The following WDR72 variants were observed in gnomAD, a reference collection of about 807,000 sequenced individuals.
WDR72 encodes WD repeat domain 72, also known as WD repeat-containing protein 72.
Under a neutral mutation model 124.2 loss-of-function variants are expected in WDR72, and 120 were observed. The observed-to-expected ratio is 0.97, with a 90% CI of 0.83 to 1.12. The LOEUF (loss-of-function observed/expected upper bound fraction) is 1.12. Among genes scored for constraint, WDR72 ranks in the 50% most tolerant of loss-of-function variants. WDR72 has a pLI of 0.00. For synonymous variants in WDR72, 452 were observed against 441.7 expected, an observed-to-expected ratio of 1.02 and a Z score of -0.29; for missense variants, 1,387 against 1,278.8, an observed-to-expected ratio of 1.08 and a Z score of -1.29.
intron 1 of WDR72, among the ~76,000 whole-genome samples, chr15:53,741,420 T>C (rs1358124012): frequency 6.6e-6 from 1 of 152,186 alleles, no homozygotes; most frequent in Non-Finnish European, 1.5e-5. Context: ...GCAACATACC[T>C]GAAATTCAGA....
At chr15:53,629,848 G>C (rs60652242) in intron 14 of WDR72, among the ~76,000 whole-genome samples, 10,352 of 152,136 alleles carry the variant, frequency 0.068, 1,156 homozygotes, top group African/African-American at 0.24. Flanking sequence ...AGGCATATAT[G>C]TTTGGAGACC....
intron 13 of WDR72, among the ~76,000 whole-genome samples, chr15:53,693,134 T>C (rs1239760067): frequency 6.6e-6 from 1 of 152,182 alleles, no homozygotes; most frequent in African/African-American, 2.4e-5. Context: ...TACAAAGCGG[T>C]GACCTTGAGG....
chr15:53,540,711 T>C (rs551735787), intron 18 of WDR72, among the ~76,000 whole-genome samples: 239 of 152,240 alleles, frequency 1.6e-3, no homozygotes, highest in Non-Finnish European at 2.9e-3. Context: ...ACGGGTGATT[T>C]CTGCACTTCC....
At chr15:53,706,275 A>G (rs904079420) in intron 9 of WDR72, among the ~76,000 whole-genome samples, 1 of 151,074 alleles carries the variant, frequency 6.6e-6, no homozygotes, top group African/African-American at 2.4e-5. Context: ...AAGCAAAGTC[A>G]TAGACCTCAG....
At chr15:53,629,457 A>C (rs1395563065) in intron 14 of WDR72, among the ~76,000 whole-genome samples, 1 of 151,876 alleles carries the variant, frequency 6.6e-6, no homozygotes, top group Admixed American at 6.6e-5. Context: ...CATTCATAAA[A>C]ATGACCACGA....
rs1157725048 is a variant in WDR72, at chr15:53,517,000, A to C, written c.*699T>G. On this transcript the variant is annotated 3_prime_UTR_variant, in exon 20 of 20. Transcript: ENST00000360509. ...AGTTGATTCCCCTTCCCTAGTTCAC[A>C]TCTATATGGCCAACAAGATCAACCT... 6.6e-6 allele frequency: 1 copy of C among 152,180 alleles called. No individual in the cohort carries two copies. The highest frequency in any genetic ancestry group is 2.4e-5 in the African/African-American group (1 of 41,438). 9.4% of individuals were successfully genotyped at this position (152,180 alleles called of 1,614,324 possible).
At chr15:53,644,069 C>T (rs2014954448) in intron 14 of WDR72, among the ~76,000 whole-genome samples, 2 of 152,064 alleles carry the variant, frequency 1.3e-5, no homozygotes. Flanking sequence ...GAATAAATTT[C>T]TATTGTGATT....
chr15:53,558,728 A>G (rs1274015659), intron 18 of WDR72, among the ~76,000 whole-genome samples: 1 of 151,972 alleles, frequency 6.6e-6, no homozygotes, highest in African/African-American at 2.4e-5. Flanking sequence ...TATGTAGATG[A>G]TTTCTTGATT....
At chr15:53,605,138 C>A (rs1040890459) in intron 17 of WDR72, among the ~76,000 whole-genome samples, 13 of 152,298 alleles carry the variant, frequency 8.5e-5, no homozygotes, top group Middle Eastern at 3.4e-3. Flanking sequence ...CTCATATACT[C>A]CATGGAATAC....
intron 14 of WDR72, among the ~76,000 whole-genome samples, chr15:53,647,177 A>G (rs891350529): frequency 1.2e-4 from 18 of 152,164 alleles, no homozygotes; most frequent in Admixed American, 4.6e-4. Context: ...TTGTTATGAA[A>G]TCACAATAGT....
intron 18 of WDR72, among the ~76,000 whole-genome samples, chr15:53,570,784 G>A (rs1894496511): frequency 6.6e-6 from 1 of 152,096 alleles, no homozygotes; most frequent in Non-Finnish European, 1.5e-5. Context: ...CTGCACTCAT[G>A]TTTATCACAG....
At chr15:53,705,297 A>C in intron 10 of WDR72, 64 bp from the exon 11 acceptor site, 1 of 1,482,028 alleles carries the variant, frequency 6.7e-7, no homozygotes, top group Non-Finnish European at 9.3e-7. Flanking sequence ...CATGGAAAAT[A>C]TCAAGGCACC....
At chr15:53,551,281 C>G (rs1329917272) in intron 18 of WDR72, among the ~76,000 whole-genome samples, 1 of 151,990 alleles carries the variant, frequency 6.6e-6, no homozygotes, top group Non-Finnish European at 1.5e-5. Flanking sequence ...CCTAAGAGCA[C>G]TTGTTAAGCA....
intron 14 of WDR72, among the ~76,000 whole-genome samples, chr15:53,653,786 G>A (rs896384528): frequency 9.2e-5 from 14 of 152,010 alleles, no homozygotes; most frequent in African/African-American, 2.4e-4. Context: ...TAAACCTTAC[G>A]GGACATCCCC....
intron 2 of WDR72, among the ~76,000 whole-genome samples, chr15:53,724,301 C>T (rs1348189805): frequency 1.3e-5 from 2 of 152,068 alleles, no homozygotes; most frequent in African/African-American, 4.8e-5. Context: ...GAGTTCTTGC[C>T]ACACACACAA....
chr15:53,712,903 A>C lies in WDR72; in HGVS notation c.592-12T>G. The C allele has an allele frequency of 1.9e-6, 3 of 1,612,938 alleles. No homozygotes were observed. Among genetic ancestry groups the C allele is most frequent in the Non-Finnish European group, 1.7e-6 (2 of 1,179,310 alleles). On this transcript the variant is annotated splice_polypyrimidine_tract_variant and intron_variant, in intron 6 of 19. Transcript: ENST00000360509. ...ACATCTTGCTTTTCCTTCAAAAGGA[A>C]AGAAAATCTTTTAGTACTAGTTCCA...
rs75402614 is a variant in WDR72 at position 53,579,251 on chromosome 15, T to G, written c.3148+17828A>C. On this transcript the variant is annotated intron_variant, in intron 18 of 19. Coordinates refer to ENST00000360509, the MANE Select transcript of WDR72 (RefSeq NM_182758.4). ...GAGAGTTAACACAAACAGACTTTTA[T>G]GGGATTTCTTTAGCTATTGAAGGCA... Among the ~76,000 whole-genome samples the G allele has an allele frequency of 8.7e-3, 1,324 of 152,256 alleles. 19 individuals are homozygous for G. The highest frequency in any genetic ancestry group is 0.031 in the African/African-American group (1,278 of 41,560).
chr15:53,726,218 GTGTATA>G (rs2018024796), intron 2 of WDR72, among the ~76,000 whole-genome samples: 1 of 132,338 alleles, frequency 7.6e-6, no homozygotes, highest in African/African-American at 3.3e-5. Context: ...ATATATGTAT[GTGTATA>G]TATATATATA....
chr15:53,728,178 G>A (rs1049989529), intron 2 of WDR72, among the ~76,000 whole-genome samples: 1 of 152,208 alleles, frequency 6.6e-6, no homozygotes, highest in African/African-American at 2.4e-5. Flanking sequence ...AAGGCAAGGA[G>A]GAGCAAGTCA....
Sources: allele counts gnomAD v4.1 joint callset (sites outside exome capture counted in the v4.1 genomes callset), GRCh38; gene constraint gnomAD v4.1.1; transcripts MANE v1.5; gene names NCBI Gene and HGNC (gene_info 2026-07-23, HGNC 2026-07-21).